HERPUD2: variants seen among roughly 807,000 people sequenced by gnomAD.
HERPUD2 encodes homocysteine-responsive endoplasmic reticulum-resident ubiquitin-like domain member 2 protein.
In HERPUD2, 13 loss-of-function variants were observed where a neutral mutation model predicts 49.9. The observed-to-expected ratio is 0.26, with a 90% confidence interval of 0.17 to 0.41. The LOEUF (loss-of-function observed/expected upper bound fraction) is 0.41, where lower values mean the gene tolerates loss of function less well. HERPUD2 is among the 10% of genes least tolerant of loss of function. The pLI is 1.00. For synonymous variants in HERPUD2, 172 were observed against 171.4 expected, an observed-to-expected ratio of 1.00 and a Z score of -0.03; for missense variants, 449 against 492.2, an observed-to-expected ratio of 0.91 and a Z score of 0.83.
At chr7:35,685,511 A>G (rs1418655040) in intron 2 of HERPUD2, among the ~76,000 whole-genome samples, 1 of 151,456 alleles carries the variant, frequency 6.6e-6, no homozygotes, top group African/African-American at 2.4e-5. Flanking sequence ...TTTTTAGTAG[A>G]GACAGGGTTT....
chr7:35,674,400 TATATAGAGAGAGAG>T (rs1199090075), intron 2 of HERPUD2, among the ~76,000 whole-genome samples: 41 of 60,152 alleles, frequency 6.8e-4, no homozygotes, highest in East Asian at 3.9e-3. Context: ...TATATATATA[TATATAGAGAGAGAG>T]AGAGAGAGAG....
intron 2 of HERPUD2, among the ~76,000 whole-genome samples, chr7:35,690,888 T>C (rs1424416822): frequency 6.6e-6 from 1 of 152,218 alleles, no homozygotes; most frequent in African/African-American, 2.4e-5. Flanking sequence ...ATCAACTCTT[T>C]AAGAAAACTT....
intron 5 of HERPUD2, among the ~76,000 whole-genome samples, chr7:35,650,327 T>A (rs1397803593): frequency 1.3e-5 from 2 of 152,022 alleles, no homozygotes; most frequent in East Asian, 3.9e-4. Context: ...AAAGGTTAAG[T>A]GGGGACCCCC....
At chr7:35,687,716 C>CT (rs958901029) in intron 2 of HERPUD2, among the ~76,000 whole-genome samples, 2 of 152,202 alleles carry the variant, frequency 1.3e-5, no homozygotes, top group Admixed American at 6.5e-5. Flanking sequence ...TTGAAAGTGT[C>CT]TGACCCTTTA....
chr7:35,694,652 A>T, intron 1 of HERPUD2, 25 bp from the exon 2 acceptor site: 2 of 321,062 alleles, frequency 6.2e-6, no homozygotes, highest in East Asian at 6.1e-5. Flanking sequence ...GGTGGGAGGG[A>T]TGAGGGCACA....
chr7:35,683,872 T>C (rs1785969974), intron 2 of HERPUD2, among the ~76,000 whole-genome samples: 1 of 152,182 alleles, frequency 6.6e-6, no homozygotes, highest in Admixed American at 6.5e-5. Context: ...ACCTTACTGC[T>C]GCAGGAATGG....
intron 5 of HERPUD2, among the ~76,000 whole-genome samples, chr7:35,653,440 C>G (rs13231540): frequency 0.19 from 28,701 of 152,024 alleles, 3,201 homozygotes; most frequent in African/African-American, 0.31. Context: ...CATGATCAGA[C>G]CTAAAGGGAG....
chr7:35,634,962 C>T (rs1784846345), intron 7 of HERPUD2, among the ~76,000 whole-genome samples, 173 bp downstream of exon 7: 1 of 152,130 alleles, frequency 6.6e-6, no homozygotes, highest in Non-Finnish European at 1.5e-5. Context: ...TTCTGATAAA[C>T]ATTCTCACTC....
intron 5 of HERPUD2, among the ~76,000 whole-genome samples, chr7:35,640,763 C>T (rs1427698296): frequency 6.6e-6 from 1 of 152,022 alleles, no homozygotes; most frequent in African/African-American, 2.4e-5. Context: ...CAATGAAACA[C>T]ATTACTTAAG....
chr7:35,662,010 T>G (rs1231411543), intron 5 of HERPUD2, among the ~76,000 whole-genome samples: 3 of 152,196 alleles, frequency 2.0e-5, no homozygotes, highest in African/African-American at 7.2e-5. Context: ...TGGCTGTGGG[T>G]GTGTCATAAA....
In HERPUD2 at chr7:35,635,126, A is replaced by T. The variant is rs771688236; in HGVS notation, c.941+9T>A. The T allele has an allele frequency of 1.9e-6, 3 of 1,602,880 alleles. No individual in the cohort carries two copies. In the African/African-American group the frequency reaches 4.0e-5, roughly 21 times the overall value. Reference sequence around the variant, plus strand: ...ATTAAACCACAAAAAGTTAATGAACATCACTCACAAATAAACCAGTAGCAT... The same window carrying T: ...ATTAAACCACAAAAAGTTAATGAACTTCACTCACAAATAAACCAGTAGCAT... On this transcript the variant is annotated intron_variant, in intron 7 of 8. Transcript: ENST00000311350.
chr7:35,646,157 TTAATC>T (rs1230982491), intron 5 of HERPUD2, among the ~76,000 whole-genome samples: 2 of 152,210 alleles, frequency 1.3e-5, no homozygotes, highest in African/African-American at 4.8e-5. Context: ...AAGCAACTAT[TTAATC>T]TAGTAATTTG....
rs1360828387 is a variant in HERPUD2, at chr7:35,667,561, G to T, written c.367C>A (p.Pro123Thr). 1 of 1,613,400 alleles carries T rather than the reference G, an allele frequency of 6.2e-7. No homozygotes were observed. Among genetic ancestry groups the T allele is most frequent in the African/African-American group, 1.3e-5 (1 of 74,878 alleles). Reference sequence around the variant, plus strand: ...GACAAGGTTTCTTGACCAGATGATGGAGTTGTTGATCCTGAATGATCTGAA... The same window carrying T: ...GACAAGGTTTCTTGACCAGATGATGTAGTTGTTGATCCTGAATGATCTGAA... ...SSSDHSGSTT[P>T]SSGQETLSLA... Residue 123 changes from proline to threonine, a missense_variant, in exon 5 of 9, where the codon CCA (proline) becomes ACA (threonine). By Grantham distance (38) the Pro-to-Thr change is conservative. Transcript: ENST00000311350.
intron 5 of HERPUD2, among the ~76,000 whole-genome samples, chr7:35,652,155 C>T (rs1183309867): frequency 6.6e-6 from 1 of 152,132 alleles, no homozygotes; most frequent in Non-Finnish European, 1.5e-5. Context: ...ATTTTACAAC[C>T]CTAAGCTACT....
chr7:35,670,403 A>T, intron 3 of HERPUD2, 75 bp from the exon 4 acceptor site: 1 of 569,068 alleles, frequency 1.8e-6, no homozygotes, highest in Non-Finnish European at 2.9e-6. Context: ...AGCTAAACTG[A>T]AATACCTAAA....
chr7:35,654,897 C>G (rs1344126774), intron 5 of HERPUD2, among the ~76,000 whole-genome samples: 5 of 152,094 alleles, frequency 3.3e-5, no homozygotes, highest in Non-Finnish European at 2.9e-5. Context: ...CTCTGTTGCC[C>G]AGGCTGAAGT....
At chr7:35,644,500 G>A (rs1785016658) in intron 5 of HERPUD2, among the ~76,000 whole-genome samples, 1 of 152,214 alleles carries the variant, frequency 6.6e-6, no homozygotes, top group East Asian at 1.9e-4. Flanking sequence ...AGGGGCAGTG[G>A]CTCATGCCTG....
intron 2 of HERPUD2, among the ~76,000 whole-genome samples, chr7:35,690,181 A>C (rs2078524410): frequency 6.6e-6 from 1 of 152,232 alleles, no homozygotes; most frequent in African/African-American, 2.4e-5. Context: ...CTGAAAAACT[A>C]GTCATGAAGT....
chr7:35,651,050 A>C (rs1785156112), intron 5 of HERPUD2, among the ~76,000 whole-genome samples: 1 of 152,088 alleles, frequency 6.6e-6, no homozygotes, highest in Admixed American at 6.6e-5. Flanking sequence ...CACAGCAGAC[A>C]CCCATGTGCA....
Sources: allele counts gnomAD v4.1 joint callset (sites outside exome capture counted in the v4.1 genomes callset), GRCh38; gene constraint gnomAD v4.1.1; transcripts MANE v1.5; gene names NCBI Gene and HGNC (gene_info 2026-07-23, HGNC 2026-07-21).